Variants in NOS1 observed in about 807,000 individuals in gnomAD.
NOS1 encodes NOS type I.
NOS1 carries 51 observed loss-of-function variants against 164.5 expected under a neutral mutation model. That is an observed-to-expected ratio of 0.31 (90% CI 0.25 to 0.39). The LOEUF is 0.39. NOS1 is among the 10% of genes least tolerant of loss of function. NOS1 has a pLI of 1.00. For synonymous variants in NOS1, 719 were observed against 745.8 expected, an observed-to-expected ratio of 0.96 and a Z score of 0.59; for missense variants, 1,362 against 1,885.6, an observed-to-expected ratio of 0.72 and a Z score of 5.14.
Position 117,241,772 on chromosome 12 carries a change from G to A in NOS1, c.3041+855C>T, listed in dbSNP as rs1592942681. 4.6e-5 allele frequency among the ~76,000 whole-genome samples: 7 copies of A among 152,298 alleles called. 1 individual carries two copies. In the South Asian group the frequency reaches 1.0e-3, roughly 23 times the overall value. The stretch of plus-strand genomic sequence containing the variant: ...AGAGCAGAACGGCCATCAGAACCGC[G>A]CCTGCGATCTCAGGCAGCATTAGCG... On this transcript the variant is annotated intron_variant, in intron 20 of 28. Coordinates refer to ENST00000317775, the MANE Select transcript of NOS1 (RefSeq NM_000620.5).
chr12:117,309,565 C>T (rs1466482166), intron 3 of NOS1, among the ~76,000 whole-genome samples: 2 of 152,212 alleles, frequency 1.3e-5, no homozygotes, highest in East Asian at 1.9e-4. Flanking sequence ...GTCACGCCAA[C>T]TTCACTGCAA....
intron 20 of NOS1, among the ~76,000 whole-genome samples, chr12:117,235,554 T>A (rs138706517): frequency 6.6e-6 from 1 of 152,242 alleles, no homozygotes; most frequent in Non-Finnish European, 1.5e-5. Context: ...TAAGCTTGGG[T>A]TCCTCCTATG....
intron 20 of NOS1, among the ~76,000 whole-genome samples, chr12:117,237,715 AG>A (rs1479909144): frequency 2.0e-5 from 3 of 152,148 alleles, no homozygotes; most frequent in Non-Finnish European, 4.4e-5. Flanking sequence ...TTCAGTGAAA[AG>A]AGTAAATATT....
intron 2 of NOS1, among the ~76,000 whole-genome samples, chr12:117,321,112 C>A (rs543884738): frequency 6.6e-6 from 1 of 152,140 alleles, no homozygotes; most frequent in Non-Finnish European, 1.5e-5. Flanking sequence ...CGAGTTCAAG[C>A]GATTCTCCTG....
intron 16 of NOS1, 31 bp from the exon 17 acceptor site, chr12:117,253,785 T>G: frequency 7.4e-6 from 11 of 1,486,056 alleles, no homozygotes; most frequent in Non-Finnish European, 1.0e-5. Flanking sequence ...CTGTGAGCTC[T>G]GGCCTGGAGC....
intron 24 of NOS1, 134 bp downstream of exon 24, chr12:117,226,549 G>A (rs748939150): frequency 2.8e-5 from 20 of 703,346 alleles, no homozygotes; most frequent in Non-Finnish European, 3.8e-5. Flanking sequence ...TAAGAGAGAC[G>A]CAGGACATTG....
intron 1 of NOS1, among the ~76,000 whole-genome samples, chr12:117,336,738 T>C (rs912149508): frequency 6.6e-6 from 1 of 152,238 alleles, no homozygotes; most frequent in Non-Finnish European, 1.5e-5. Flanking sequence ...TATGCTGTTA[T>C]GGATATATTG....
At position 117,273,491 on chromosome 12, in the gene NOS1, T is replaced by C. The variant is rs557649973; in HGVS notation, c.1665-932A>G. Among the ~76,000 whole-genome samples, 6 of 151,984 alleles carry C rather than the reference T, an allele frequency of 3.9e-5. No individual in the cohort carries two copies. In the South Asian group the frequency reaches 6.2e-4, roughly 16 times the overall value. ...AATTTAAGTGGGGGGAGCTATTAGGTTGATGCAAAAGTAGCTGTGGTTTTG... is the reference window on the plus strand; with the variant it reads ...AATTTAAGTGGGGGGAGCTATTAGGCTGATGCAAAAGTAGCTGTGGTTTTG... On this transcript the variant is annotated intron_variant, in intron 9 of 28. Transcript: ENST00000317775.
intron 9 of NOS1, among the ~76,000 whole-genome samples, chr12:117,276,430 G>A (rs1873186708): frequency 6.6e-6 from 1 of 152,124 alleles, no homozygotes; most frequent in African/African-American, 2.4e-5. Context: ...TTACAGGCAT[G>A]TGCCACCATG....
Position 117,211,324 on chromosome 12 carries a change from T to C in NOS1, c.*3985A>G, listed in dbSNP as rs1253030543. 1.0e-6 allele frequency: 1 copy of C among 985,284 alleles called. No homozygotes were observed. Among genetic ancestry groups the C allele is most frequent in the African/African-American group, 1.7e-5 (1 of 57,216 alleles). 61.0% of individuals were successfully genotyped at this position (985,284 alleles called of 1,614,324 possible). On this transcript the variant is annotated 3_prime_UTR_variant, in exon 29 of 29. Transcript: ENST00000317775. Reference sequence around the variant, plus strand: ...ATGGATGGGGTGCCAGGTACGCTGATTCAGTTCCTGGAGTCTCTTTATCAC... The same window carrying C: ...ATGGATGGGGTGCCAGGTACGCTGACTCAGTTCCTGGAGTCTCTTTATCAC...
chr12:117,262,423 G>GGAGGGA (rs529714053), intron 13 of NOS1, among the ~76,000 whole-genome samples: 1 of 143,820 alleles, frequency 7.0e-6, no homozygotes, highest in Non-Finnish European at 1.5e-5. Flanking sequence ...AGGGAGGGAG[G>GGAGGGA]GAGGGAGAGA....
At chr12:117,353,151 C>A (rs1297471792) in intron 1 of NOS1, among the ~76,000 whole-genome samples, 1 of 152,020 alleles carries the variant, frequency 6.6e-6, no homozygotes, top group African/African-American at 2.4e-5. Context: ...TACCTATATA[C>A]CTATCATCTG....
intron 1 of NOS1, among the ~76,000 whole-genome samples, chr12:117,354,983 G>A (rs1876793527): frequency 6.6e-6 from 1 of 152,214 alleles, no homozygotes; most frequent in African/African-American, 2.4e-5. Context: ...ATTTCCAACT[G>A]GAAATGGGTT....
chr12:117,267,077 A>T (rs962708297), intron 11 of NOS1, among the ~76,000 whole-genome samples: 2 of 152,056 alleles, frequency 1.3e-5, no homozygotes, highest in East Asian at 1.9e-4. Flanking sequence ...CTATCCATCC[A>T]TGGCTTGATT....
At chr12:117,251,091 G>T (rs1871068629) in intron 17 of NOS1, among the ~76,000 whole-genome samples, 1 of 152,096 alleles carries the variant, frequency 6.6e-6, no homozygotes, top group African/African-American at 2.4e-5. Flanking sequence ...CATGAATGGG[G>T]TTAGTGCCTC....
rs777132946 is a variant in NOS1, at chr12:117,311,454, T to C, written c.852+12A>G. On this transcript the variant is annotated intron_variant, in intron 3 of 28. Coordinates refer to ENST00000317775, the MANE Select transcript of NOS1 (RefSeq NM_000620.5). ...GGGAAGCAGTGGTACCAGCTTGGCA[T>C]CAAGCACTTACCTGCTCCTTCTCTG... The C allele has an allele frequency of 6.3e-7, 1 of 1,595,512 alleles. No individual in the cohort carries two copies. The highest frequency in any genetic ancestry group is 1.7e-5 in the Admixed American group (1 of 57,320).
At chr12:117,277,545 G>C (rs1470071703) in intron 9 of NOS1, among the ~76,000 whole-genome samples, 2 of 152,042 alleles carry the variant, frequency 1.3e-5, no homozygotes, top group Non-Finnish European at 2.9e-5. Context: ...AATGAGTCAT[G>C]TTTGTGCCAC....
intron 20 of NOS1, 104 bp downstream of exon 20, chr12:117,242,523 T>A (rs1870265430): frequency 8.4e-6 from 8 of 947,588 alleles, no homozygotes; most frequent in Admixed American, 6.9e-5. Flanking sequence ...CACTTTGCAA[T>A]GATTGGAGAA....
intron 17 of NOS1, among the ~76,000 whole-genome samples, chr12:117,247,739 G>A (rs1244540027): frequency 6.6e-6 from 1 of 152,086 alleles, no homozygotes; most frequent in African/African-American, 2.4e-5. Flanking sequence ...GTCCTTATAA[G>A]AAGAGGAAGA....
Sources: allele counts gnomAD v4.1 joint callset (sites outside exome capture counted in the v4.1 genomes callset), GRCh38; gene constraint gnomAD v4.1.1; transcripts MANE v1.5; gene names NCBI Gene and HGNC (gene_info 2026-07-23, HGNC 2026-07-21).